The following TLR5 variants were observed in gnomAD, a reference collection of about 807,000 sequenced individuals.
TLR5 encodes the protein toll like receptor 5.
For missense variants in TLR5, 944 were observed against 999.8 expected (o/e 0.94, Z 0.75); for synonymous variants, 373 against 384.4 (o/e 0.97, Z 0.35).
intron 1 of TLR5, among the ~76,000 whole-genome samples, chr1:223,142,977 C>A (rs950993399): frequency 4.6e-5 from 7 of 152,188 alleles, no homozygotes; most frequent in Admixed American, 6.5e-5. Flanking sequence ...ACGCTCACCC[C>A]GTCCCTGGGC....
chr1:223,119,992 T>TAAAATAAAATAAAATAAAATAAAATAAAA (rs1558125344), intron 5 of TLR5, among the ~76,000 whole-genome samples: 1 of 54,248 alleles, frequency 1.8e-5, no homozygotes, highest in South Asian at 5.0e-4. Flanking sequence ...TAAAATAAAA[T>TAAAATAAAATAAAATAAAATAAAATAAAA]AAAATAAAAT....
chr1:223,141,399 C>G (rs1657830569), intron 2 of TLR5: 1 of 152,104 alleles, frequency 6.6e-6, no homozygotes, highest in African/African-American at 2.4e-5. Context: ...GATCCTCTGC[C>G]ATCATTTTGG....
chr1:223,123,944 G>T (rs1279795099), intron 5 of TLR5: 1 of 152,198 alleles, frequency 6.6e-6, no homozygotes, highest in Non-Finnish European at 1.5e-5. Context: ...AATTCTCAAG[G>T]GGGCAGTGAG....
intron 5 of TLR5, among the ~76,000 whole-genome samples, chr1:223,119,624 G>T (rs888353819): frequency 2.0e-5 from 3 of 151,988 alleles, no homozygotes; most frequent in African/African-American, 7.3e-5. Context: ...TTAAAACAGA[G>T]ATCTTCAGAC....
chr1:223,135,282 C>G (rs1434125590), intron 3 of TLR5, among the ~76,000 whole-genome samples: 1 of 152,122 alleles, frequency 6.6e-6, no homozygotes, highest in Non-Finnish European at 1.5e-5. Flanking sequence ...GGCTGGGGAG[C>G]GCACCCCTGC....
At chr1:223,124,067 A>G (rs1185494162) in intron 5 of TLR5, among the ~76,000 whole-genome samples, 3 of 152,362 alleles carry the variant, frequency 2.0e-5, no homozygotes, top group Admixed American at 2.0e-4. Flanking sequence ...ACACTATGCA[A>G]AATCACACAA....
At position 223,111,054 on chromosome 1, in the gene TLR5, CTG is replaced by C. The variant is rs1656299334; in HGVS notation, c.1976_1977del (p.Thr659SerfsTer13). Reference sequence around the variant, plus strand: ...AAACAGAAGCCCCGGAACTTTGTGACTGTGAGGATGGTCATGAGGAACAGAGT... The same window carrying C: ...AAACAGAAGCCCCGGAACTTTGTGACTGAGGATGGTCATGAGGAACAGAGT... ...TLTLFLMTIL[T>X]VTKFRGFCFI... On this transcript the variant is annotated frameshift_variant, in exon 6 of 6. Coordinates refer to ENST00000642603, the MANE Select transcript of TLR5 (RefSeq NM_003268.6). LOFTEE classifies it low-confidence loss of function (END_TRUNC). 4 of 1,614,044 alleles carry C rather than the reference CTG, an allele frequency of 2.5e-6. No individual in the cohort carries two copies. The highest frequency in any genetic ancestry group is 1.3e-5 in the African/African-American group (1 of 74,922).
chr1:223,116,135 C>T (rs1656625029), intron 5 of TLR5, among the ~76,000 whole-genome samples: 1 of 152,206 alleles, frequency 6.6e-6, no homozygotes, highest in Non-Finnish European at 1.5e-5. Flanking sequence ...CAAGCCCTTA[C>T]TTGTCTTGTC....
chr1:223,113,245 G>T (rs930837225), intron 5 of TLR5, among the ~76,000 whole-genome samples: 4 of 152,062 alleles, frequency 2.6e-5, no homozygotes, highest in Admixed American at 6.5e-5. Context: ...TTGCTCTGTT[G>T]CCCAGGCTGG....
chr1:223,120,900 G>A (rs1656923917), intron 5 of TLR5, among the ~76,000 whole-genome samples: 1 of 152,122 alleles, frequency 6.6e-6, no homozygotes, highest in Non-Finnish European at 1.5e-5. Flanking sequence ...TGGGCAATAT[G>A]GCAAAAACCC....
At chr1:223,122,206 A>G (rs560929331) in intron 5 of TLR5, among the ~76,000 whole-genome samples, 11 of 152,310 alleles carry the variant, frequency 7.2e-5, no homozygotes, top group African/African-American at 2.6e-4. Context: ...GTGTTCAATA[A>G]TATCAAATAT....
Position 223,114,306 on chromosome 1 carries a change from C to T in TLR5, c.-4-1271G>A, listed in dbSNP as rs565927033. 5.9e-5 allele frequency among the ~76,000 whole-genome samples: 9 copies of T among 152,258 alleles called. No homozygotes were observed. In the East Asian group the frequency reaches 1.7e-3, roughly 29 times the overall value. ...ATGAAGAGAAAACACACAAGGACCCCACCTGCAGAGAGCTTGGTGTCTATT... is the reference window on the plus strand; with the variant it reads ...ATGAAGAGAAAACACACAAGGACCCTACCTGCAGAGAGCTTGGTGTCTATT... On this transcript the variant is annotated intron_variant, in intron 5 of 5. Transcript: ENST00000642603.
At chr1:223,116,615 C>T (rs991440812) in intron 5 of TLR5, among the ~76,000 whole-genome samples, 31 of 152,178 alleles carry the variant, frequency 2.0e-4, no homozygotes, top group Non-Finnish European at 1.0e-4. Context: ...CCACTGCTGG[C>T]CGCCGCAGCC....
chr1:223,138,879 G>A (rs954827446), intron 2 of TLR5, among the ~76,000 whole-genome samples: 1 of 152,198 alleles, frequency 6.6e-6, no homozygotes, highest in African/African-American at 2.4e-5. Context: ...GTTGAGGGAG[G>A]AACCCAGTGG....
rs571248631 is a variant in TLR5 at position 223,131,860 on chromosome 1, C to T, written c.-5+615G>A. Reference sequence around the variant, plus strand: ...CCTCCCAAAGTGTTGGGATTCCAGGCATGAGCCACCATGCCTGGCCTATAT... The same window carrying T: ...CCTCCCAAAGTGTTGGGATTCCAGGTATGAGCCACCATGCCTGGCCTATAT... On this transcript the variant is annotated intron_variant, in intron 5 of 5. Transcript: ENST00000642603. This position sits in a 1 kb window ranked among gnomAD's most constrained non-coding sequence, Gnocchi z 4.2. Among the ~76,000 whole-genome samples the T allele has an allele frequency of 4.2e-4, 64 of 151,532 alleles. No homozygotes were observed. The highest frequency in any genetic ancestry group is 1.4e-3 in the African/African-American group (56 of 41,370).
At chr1:223,136,279 A>G (rs186476159) in intron 3 of TLR5, among the ~76,000 whole-genome samples, 2 of 152,344 alleles carry the variant, frequency 1.3e-5, no homozygotes, top group Admixed American at 6.5e-5. Context: ...GACAGGCACA[A>G]GAGTGCCTTC....
chr1:223,117,268 T>A (rs555010171), intron 5 of TLR5, among the ~76,000 whole-genome samples: 89 of 151,984 alleles, frequency 5.9e-4, no homozygotes, highest in Non-Finnish European at 1.0e-3. Context: ...CCACCCAGAA[T>A]TCGCGCTGGC....
intron 5 of TLR5, among the ~76,000 whole-genome samples, chr1:223,120,528 C>G (rs1304204362): frequency 3.3e-5 from 5 of 152,246 alleles, no homozygotes; most frequent in Non-Finnish European, 5.9e-5. Context: ...CACATGTTCT[C>G]AGGACCTCCT....
At position 223,112,160 on chromosome 1, in the gene TLR5, C is replaced by G; in HGVS notation, c.872G>C (p.Arg291Thr). 1 of 1,614,222 alleles carries G rather than the reference C, an allele frequency of 6.2e-7. No individual in the cohort carries two copies. Among genetic ancestry groups the G allele is most frequent in the Non-Finnish European group, 8.5e-7 (1 of 1,180,044 alleles). Residue 291 changes from arginine (R) to threonine (T), a missense_variant, in exon 6 of 6, where the codon AGA (arginine) becomes ACA (threonine). Transcript: ENST00000642603. ...TFAGLARSSV[R>T]HLDLSHGFVF... ...AAACCCATGTGAAAGATCCAGGTGT[C>G]TCACTGAACTTCTGGCCAGGCCAGC...
Sources: gnomAD v4.1 joint callset for allele counts (sites outside exome capture counted in the v4.1 genomes callset) on GRCh38, gnomAD v4.1.1 for gene constraint, Gnocchi (gnomAD v3.1) non-coding constraint, MANE v1.5 for transcripts, NCBI Gene and HGNC (gene_info 2026-07-23, HGNC 2026-07-21) for gene names.